VCL: variants seen among roughly 807,000 people sequenced by gnomAD.
The protein encoded by VCL is vinculin.
A neutral mutation model predicts 125.7 loss-of-function variants in VCL; 47 were observed. The observed-to-expected ratio is 0.37, with a 90% CI of 0.30 to 0.48. VCL has a LOEUF of 0.48. Ranked by LOEUF, VCL falls within the 20% of genes least tolerant of loss-of-function variation. The pLI is 0.99. For missense variants in VCL, 1,069 were observed against 1,455.5 expected, an observed-to-expected ratio of 0.73 and a Z score of 4.32; for synonymous variants, 458 against 514.6, an observed-to-expected ratio of 0.89 and a Z score of 1.49.
chr10:74,083,221 C>T, intron 7 of VCL, 145 bp from the exon 8 acceptor site: 1 of 1,048,526 alleles, frequency 9.5e-7, no homozygotes, highest in South Asian at 1.4e-5. Flanking sequence ...CACTGCTTGG[C>T]TGTTAGCTAT....
In VCL at chr10:74,074,937, C is replaced by T. The variant is rs199850933; in HGVS notation, c.783+34C>T. On this transcript the variant is annotated intron_variant, in intron 6 of 21. Transcript: ENST00000211998. ...TCTTAGTGGAGAAATAAGCAAAATC[C>T]CCAACTCTCCCTGGCTGGGGGTTTT... 66 of 1,613,810 alleles carry T rather than the reference C, an allele frequency of 4.1e-5. 1 individual carries two copies. In the Middle Eastern group the frequency reaches 9.9e-4, roughly 24 times the overall value.
At chr10:74,100,714 T>C (rs941022505) in intron 13 of VCL, among the ~76,000 whole-genome samples, 5 of 152,082 alleles carry the variant, frequency 3.3e-5, no homozygotes, top group African/African-American at 1.2e-4. Context: ...GTTATGTGCG[T>C]GTGTGTGTGA....
intron 1 of VCL, among the ~76,000 whole-genome samples, chr10:74,033,364 T>C (rs1259451785): frequency 6.6e-6 from 1 of 152,174 alleles, no homozygotes; most frequent in Non-Finnish European, 1.5e-5. Context: ...GGGTTAGGGC[T>C]AAATGGGGGT....
intron 6 of VCL, chr10:74,077,738 G>A (rs987883840): frequency 2.2e-6 from 1 of 455,504 alleles, no homozygotes; most frequent in Non-Finnish European, 4.4e-6. Flanking sequence ...CTAGAAAAGT[G>A]GGGGAAGAAA....
At position 74,024,489 on chromosome 10, in the gene VCL, T is replaced by G. The variant is rs192484337; in HGVS notation, c.169-18594T>G. 1.8e-3 allele frequency among the ~76,000 whole-genome samples: 277 copies of G among 151,992 alleles called. 2 individuals are homozygous for G. The highest frequency in any genetic ancestry group is 5.6e-3 in the African/African-American group (234 of 41,456). On this transcript the variant is annotated intron_variant, in intron 1 of 21. Coordinates refer to ENST00000211998, the MANE Select transcript of VCL (RefSeq NM_014000.3). ...AGCCGGGCATGGTGGCAGGCGCCTGTAGTACCAGGTACTCGGGAGACTGAG... is the reference window on the plus strand; with the variant it reads ...AGCCGGGCATGGTGGCAGGCGCCTGGAGTACCAGGTACTCGGGAGACTGAG...
chr10:74,090,548 G>A (rs969815285), intron 10 of VCL, among the ~76,000 whole-genome samples: 1 of 152,114 alleles, frequency 6.6e-6, no homozygotes, highest in Non-Finnish European at 1.5e-5. Flanking sequence ...ATACATAAGA[G>A]GAAAATAATT....
intron 1 of VCL, among the ~76,000 whole-genome samples, chr10:74,020,388 G>C (rs1329331616): frequency 6.6e-6 from 1 of 152,174 alleles, no homozygotes; most frequent in Non-Finnish European, 1.5e-5. Flanking sequence ...TGGTAGCATG[G>C]ATCCACCTAG....
chr10:74,095,618 T>C, intron 11 of VCL, 38 bp from the exon 12 acceptor site: 1 of 1,612,362 alleles, frequency 6.2e-7, no homozygotes, highest in East Asian at 2.2e-5. Flanking sequence ...TTGTCTCCTC[T>C]GGGTCTTGTA....
chr10:74,043,273 T>G (rs1328758876), intron 2 of VCL, 120 bp downstream of exon 2: 11 of 917,526 alleles, frequency 1.2e-5, no homozygotes, highest in African/African-American at 3.3e-5. Flanking sequence ...CAATTGAAAT[T>G]TCAACTTTTT....
At chr10:74,009,030 A>C (rs1470987281) in intron 1 of VCL, among the ~76,000 whole-genome samples, 1 of 152,242 alleles carries the variant, frequency 6.6e-6, no homozygotes, top group Non-Finnish European at 1.5e-5. Flanking sequence ...TCAAGTCTGT[A>C]ATAAGACTGA....
intron 1 of VCL, among the ~76,000 whole-genome samples, chr10:74,007,934 C>G (rs1840350524): frequency 6.6e-6 from 1 of 152,012 alleles, no homozygotes; most frequent in African/African-American, 2.4e-5. Context: ...TCCCAAGTAG[C>G]TGGAATTACA....
At chr10:74,055,027 C>T (rs998103245) in intron 2 of VCL, among the ~76,000 whole-genome samples, 10 of 151,928 alleles carry the variant, frequency 6.6e-5, no homozygotes, top group Admixed American at 2.0e-4. Flanking sequence ...AGGCCGGGTG[C>T]GATGGCTCAC....
intron 10 of VCL, among the ~76,000 whole-genome samples, chr10:74,092,160 A>G (rs909598125): frequency 3.3e-5 from 5 of 152,106 alleles, no homozygotes; most frequent in African/African-American, 1.2e-4. Context: ...CACCCACCTC[A>G]GCCTCCCAAG....
At chr10:74,076,165 T>A (rs187868250) in intron 6 of VCL, 1 of 152,748 alleles carries the variant, frequency 6.5e-6, no homozygotes, top group Non-Finnish European at 1.5e-5. Context: ...GAGAAAAGCA[T>A]GTCTGTGAGG....
intron 14 of VCL, 127 bp downstream of exon 14, chr10:74,101,224 A>G: frequency 7.4e-7 from 1 of 1,349,146 alleles, no homozygotes; most frequent in African/African-American, 1.4e-5. Flanking sequence ...GCACGGTAGC[A>G]CCTATAATTC....
chr10:74,063,654 A>C (rs1202546161), intron 2 of VCL: 1 of 152,202 alleles, frequency 6.6e-6, no homozygotes, highest in African/African-American at 2.4e-5. Flanking sequence ...AGACATTATC[A>C]AACAAAAACT....
At chr10:74,012,270 C>T (rs1840450020) in intron 1 of VCL, among the ~76,000 whole-genome samples, 1 of 152,036 alleles carries the variant, frequency 6.6e-6, no homozygotes, top group Non-Finnish European at 1.5e-5. Flanking sequence ...TATGAATAGG[C>T]TAGTAAATCT....
rs71524384 is a variant in VCL at position 74,073,043 on chromosome 10, C to T, written c.622+191C>T. 0.063 allele frequency among the ~76,000 whole-genome samples: 9,466 copies of T among 151,444 alleles called. 1,008 individuals carry two copies. Among genetic ancestry groups the T allele is most frequent in the African/African-American group, 0.22 (8,881 of 41,166 alleles). ...GCAACCTCTGCCTCCTGGGTTCAAG[C>T]GATTCTCCTGCCTCAGCCTTCTGAG... On this transcript the variant is annotated intron_variant, in intron 5 of 21. Transcript: ENST00000211998.
At chr10:74,074,610 T>C in intron 5 of VCL, 133 bp from the exon 6 acceptor site, 1 of 962,360 alleles carries the variant, frequency 1.0e-6, no homozygotes, top group Non-Finnish European at 1.5e-6. Flanking sequence ...GTCAAACTTG[T>C]AGTGTTTGTT....
Sources: allele counts gnomAD v4.1 joint callset (sites outside exome capture counted in the v4.1 genomes callset), GRCh38; gene constraint gnomAD v4.1.1; transcripts MANE v1.5; gene names NCBI Gene and HGNC (gene_info 2026-07-23, HGNC 2026-07-21).